Variants in CFAP299 observed in about 807,000 individuals in gnomAD.
CFAP299 encodes the protein cilia- and flagella-associated protein 299.
CFAP299 carries 21 observed loss-of-function variants against 27.0 expected under a neutral mutation model. The observed-to-expected ratio is 0.78, with a 90% CI of 0.55 to 1.12. The LOEUF is 1.12. Among genes scored for constraint, CFAP299 ranks in the 50% most tolerant of loss-of-function variants. CFAP299 has a pLI of 0.00. For synonymous variants in CFAP299, 104 were observed against 98.1 expected, an observed-to-expected ratio of 1.06 and a Z score of -0.36; for missense variants, 310 against 276.6, an observed-to-expected ratio of 1.12 and a Z score of -0.86.
intron 3 of CFAP299, among the ~76,000 whole-genome samples, chr4:80,622,513 T>A (rs773254819): frequency 4.6e-5 from 7 of 152,218 alleles, no homozygotes; most frequent in Non-Finnish European, 5.9e-5. Flanking sequence ...TCTATAGGCA[T>A]CTTTTCTAAA....
chr4:80,465,080 G>A (rs950960609), intron 2 of CFAP299, among the ~76,000 whole-genome samples: 3 of 152,048 alleles, frequency 2.0e-5, no homozygotes, highest in Non-Finnish European at 4.4e-5. Flanking sequence ...TTGGGCATGT[G>A]TAGAATATAA....
chr4:80,599,383 T>TG (rs2109898358), intron 3 of CFAP299, among the ~76,000 whole-genome samples: 1 of 152,314 alleles, frequency 6.6e-6, no homozygotes, highest in African/African-American at 2.4e-5. Flanking sequence ...TTAGCAGTGA[T>TG]GCTAGTTGGT....
At chr4:80,566,465 C>T (rs1207204727) in intron 2 of CFAP299, among the ~76,000 whole-genome samples, 2 of 27,910 alleles carry the variant, frequency 7.2e-5, no homozygotes, top group African/African-American at 9.8e-5. Context: ...GACTGTTTTC[C>T]TCTGGTAAAG....
chr4:80,956,385 A>G (rs894803495), intron 5 of CFAP299, among the ~76,000 whole-genome samples: 1 of 151,932 alleles, frequency 6.6e-6, no homozygotes, highest in African/African-American at 2.4e-5. Flanking sequence ...GTCATTTTTT[A>G]TTACTATTGG....
intron 3 of CFAP299, among the ~76,000 whole-genome samples, chr4:80,785,771 A>G (rs1727213850): frequency 6.6e-6 from 1 of 152,120 alleles, no homozygotes; most frequent in African/African-American, 2.4e-5. Context: ...ATCTGAATGG[A>G]TATTTTTTTC....
intron 3 of CFAP299, among the ~76,000 whole-genome samples, chr4:80,769,318 G>A (rs1726073005): frequency 6.6e-6 from 1 of 152,088 alleles, no homozygotes; most frequent in Non-Finnish European, 1.5e-5. Context: ...TTTACTAAAG[G>A]TGACATGGCT....
intron 3 of CFAP299, among the ~76,000 whole-genome samples, chr4:80,724,405 A>AT (rs1034095508): frequency 3.3e-5 from 5 of 151,940 alleles, no homozygotes; most frequent in African/African-American, 1.2e-4. Flanking sequence ...AAAATGAGTA[A>AT]TTTTTTAATT....
chr4:80,698,663 G>A lies in CFAP299; in HGVS notation c.333+115480G>A, dbSNP rs190317529. 2.4e-3 allele frequency among the ~76,000 whole-genome samples: 360 copies of A among 152,292 alleles called. 3 individuals carry two copies. The highest frequency in any genetic ancestry group is 4.1e-3 in the Non-Finnish European group (281 of 68,028). ...TACCCCAAGCTGGGTAATTTATAAA[G>A]GAAAGAAGTTTAATTGACTCACAGT... On this transcript the variant is annotated intron_variant, in intron 3 of 5. Coordinates refer to ENST00000358105, the MANE Select transcript of CFAP299 (RefSeq NM_152770.3).
Position 80,849,356 on chromosome 4 carries a change from G to A in CFAP299, c.334-20637G>A, listed in dbSNP as rs574776773. Reference sequence around the variant, plus strand: ...TTGTTAACCAAAATGCTGTTATGGGGTACATGGATGTATTTTTAAAACTGT... The same window carrying A: ...TTGTTAACCAAAATGCTGTTATGGGATACATGGATGTATTTTTAAAACTGT... On this transcript the variant is annotated intron_variant, in intron 3 of 5. Coordinates refer to ENST00000358105, the MANE Select transcript of CFAP299 (RefSeq NM_152770.3). Among the ~76,000 whole-genome samples, 4 of 152,244 alleles carry A rather than the reference G, an allele frequency of 2.6e-5. No individual in the cohort carries two copies. The South Asian group carries it at 8.3e-4, about 32-fold the overall frequency.
chr4:80,634,521 G>A (rs1739392879), intron 3 of CFAP299, among the ~76,000 whole-genome samples: 1 of 151,886 alleles, frequency 6.6e-6, no homozygotes, highest in Non-Finnish European at 1.5e-5. Context: ...TTAAAATTGT[G>A]CCTGCTGTTT....
intron 3 of CFAP299, among the ~76,000 whole-genome samples, chr4:80,736,023 T>G (rs1411389412): frequency 6.6e-6 from 1 of 152,084 alleles, no homozygotes; most frequent in African/African-American, 2.4e-5. Context: ...TCCTCCCATT[T>G]TGAAGGTTGC....
chr4:80,447,119 G>GTTTTTTTTTTTTTTT (rs71641487), intron 2 of CFAP299, among the ~76,000 whole-genome samples: 2 of 65,522 alleles, frequency 3.1e-5, no homozygotes, highest in African/African-American at 9.5e-5. Flanking sequence ...CTTTTTATTT[G>GTTTTTTTTTTTTTTT]TTTTTTTTTT....
At chr4:80,329,399 G>A in the CFAP299 span, among the ~76,000 whole-genome samples, 4 of 151,960 alleles carry the variant, frequency 2.6e-5, no homozygotes, top group East Asian at 5.8e-4. Flanking sequence ...AGAATCAGGT[G>A]TTATTTTTTG....
intron 2 of CFAP299, among the ~76,000 whole-genome samples, chr4:80,501,493 T>C (rs530599132): frequency 2.0e-5 from 3 of 147,690 alleles, no homozygotes; most frequent in South Asian, 4.2e-4. Context: ...TTATTTATAA[T>C]GTTTATATAA....
At chr4:80,391,239 C>T (rs1725464939) in intron 2 of CFAP299, among the ~76,000 whole-genome samples, 1 of 152,018 alleles carries the variant, frequency 6.6e-6, no homozygotes, top group Non-Finnish European at 1.5e-5. Context: ...ATACTCAGAA[C>T]TTGGATTGCT....
At chr4:80,686,775 A>G (rs1720225036) in intron 3 of CFAP299, among the ~76,000 whole-genome samples, 1 of 152,208 alleles carries the variant, frequency 6.6e-6, no homozygotes, top group Non-Finnish European at 1.5e-5. Context: ...GAAAATATGG[A>G]CAAATTCCTG....
At chr4:80,636,827 G>A (rs1577961063) in intron 3 of CFAP299, among the ~76,000 whole-genome samples, 1 of 152,258 alleles carries the variant, frequency 6.6e-6, no homozygotes, top group African/African-American at 2.4e-5. Flanking sequence ...AACAGAAACT[G>A]TATGGCCAAC....
chr4:80,640,320 A>G (rs1250628319), intron 3 of CFAP299, among the ~76,000 whole-genome samples: 3 of 152,088 alleles, frequency 2.0e-5, no homozygotes, highest in African/African-American at 7.2e-5. Context: ...AAGAGGTGAA[A>G]CCTGGAATAG....
rs1721092540 is a variant in CFAP299, at chr4:80,696,332, C to A, written c.333+113149C>A. Among the ~76,000 whole-genome samples the A allele has an allele frequency of 3.3e-5, 5 of 151,198 alleles. No homozygotes were observed. The South Asian group carries it at 1.0e-3, about 32-fold the overall frequency. ...AAAGAAGAAGTAGAATTTAATCCAC[C>A]ATGCCTTAACTGTACTAATTTTAAA... On this transcript the variant is annotated intron_variant, in intron 3 of 5. Coordinates refer to ENST00000358105, the MANE Select transcript of CFAP299 (RefSeq NM_152770.3).
Sources: allele counts gnomAD v4.1 joint callset (sites outside exome capture counted in the v4.1 genomes callset), GRCh38; gene constraint gnomAD v4.1.1; transcripts MANE v1.5; gene names NCBI Gene and HGNC (gene_info 2026-07-23, HGNC 2026-07-21).